Variants in ACSM2A observed in about 807,000 individuals in gnomAD.
ACSM2A encodes acyl-coenzyme A synthetase ACSM2A, mitochondrial.
In ACSM2A, 72 loss-of-function variants were observed where a neutral mutation model predicts 76.6. The observed-to-expected ratio is 0.94, with a 90% CI of 0.78 to 1.14. The LOEUF (loss-of-function observed/expected upper bound fraction) is 1.14, where lower values mean the gene tolerates loss of function less well. Ranked by LOEUF, ACSM2A falls within the 50% of genes most tolerant of loss-of-function variation. The pLI is 0.00. For missense variants in ACSM2A, 684 were observed against 708.5 expected (o/e 0.97, Z 0.39); for synonymous variants, 249 against 255.9 (o/e 0.97, Z 0.26).
At chr16:20,470,358 T>A (rs2013309779) in intron 4 of ACSM2A, among the ~76,000 whole-genome samples, 1 of 152,096 alleles carries the variant, frequency 6.6e-6, no homozygotes, top group Non-Finnish European at 1.5e-5. Context: ...GGACTTTCCA[T>A]GTGTTGATAG....
rs1171322819 is a variant in ACSM2A at position 20,471,776 on chromosome 16, C to G, written c.894+87C>G. 11 of 1,541,542 alleles carry G rather than the reference C, an allele frequency of 7.1e-6. No individual in the cohort carries two copies. In the Admixed American group the frequency reaches 1.3e-4, roughly 18 times the overall value. ...TTTATTGTAGTTTGTTTCAATTCAT[C>G]TAATTTTTGCTAAACCCCTGCCATG... On this transcript the variant is annotated intron_variant, in intron 6 of 13. Transcript: ENST00000573854.
chr16:20,485,601 G>T (rs1160548735), intron 13 of ACSM2A, among the ~76,000 whole-genome samples: 6 of 152,198 alleles, frequency 3.9e-5, no homozygotes, highest in East Asian at 1.9e-4. Context: ...GTGTTTCAAT[G>T]AAACTTTATT....
intron 6 of ACSM2A, chr16:20,474,078 TTTGA>T (rs2013579236): frequency 2.2e-6 from 1 of 449,240 alleles, no homozygotes; most frequent in South Asian, 1.6e-5. Context: ...TTTAAATGTG[TTTGA>T]TTGATGTCTT....
chr16:20,475,486 C>G (rs551243502), intron 7 of ACSM2A, 45 bp downstream of exon 7: 1 of 1,611,350 alleles, frequency 6.2e-7, no homozygotes, highest in Admixed American at 1.7e-5. Context: ...GCCCCATCCC[C>G]CTGACTCCCT....
chr16:20,467,372 C>G (rs572043167), intron 3 of ACSM2A, among the ~76,000 whole-genome samples: 1 of 142,386 alleles, frequency 7.0e-6, no homozygotes, highest in Non-Finnish European at 1.5e-5. Flanking sequence ...GAGTGACACT[C>G]AAACCATTGA....
chr16:20,475,341 C>T (rs751782627), intron 6 of ACSM2A, 21 bp from the exon 7 acceptor site: 89 of 1,613,510 alleles, frequency 5.5e-5, no homozygotes, highest in Admixed American at 1.8e-4. Flanking sequence ...ACCAATGTCT[C>T]ACCTGGCTCT....
rs563358363 is a variant in ACSM2A at position 20,486,893 on chromosome 16, A to G, written c.*215A>G. On this transcript the variant is annotated 3_prime_UTR_variant, in exon 14 of 14. Coordinates refer to ENST00000573854, the MANE Select transcript of ACSM2A (RefSeq NM_001308172.2). ...AGAGTGAAAAGGAGAGGGTAACAGA[A>G]AAAAAGGAAAGAAAAGTAAGTCAGG... The G allele has an allele frequency of 7.4e-5, 37 of 499,998 alleles. 1 individual carries two copies. In the South Asian group the frequency reaches 1.5e-3, roughly 20 times the overall value. 31.0% of individuals were successfully genotyped at this position (499,998 alleles called of 1,614,324 possible).
At chr16:20,484,673 GA>G (rs1487566448) in intron 13 of ACSM2A, among the ~76,000 whole-genome samples, 1 of 150,400 alleles carries the variant, frequency 6.6e-6, no homozygotes, top group Non-Finnish European at 1.5e-5. Context: ...GTCTCAATGG[GA>G]ACTCCAGCCA....
At chr16:20,455,408 T>A (rs1192610958) in intron 1 of ACSM2A, among the ~76,000 whole-genome samples, 3 of 151,492 alleles carry the variant, frequency 2.0e-5, no homozygotes, top group Non-Finnish European at 4.4e-5. Flanking sequence ...AAGCACCAGG[T>A]AATCTATAAA....
intron 2 of ACSM2A, 113 bp from the exon 3 acceptor site, chr16:20,465,404 T>G (rs2012923859): frequency 7.3e-7 from 1 of 1,364,282 alleles, no homozygotes; most frequent in African/African-American, 1.4e-5. Context: ...TGTATGGAGG[T>G]GCTGAGATAA....
At chr16:20,452,971 T>C (rs538619814) in intron 1 of ACSM2A, among the ~76,000 whole-genome samples, 1 of 152,172 alleles carries the variant, frequency 6.6e-6, no homozygotes, top group Non-Finnish European at 1.5e-5. Context: ...TGGTTGCTCC[T>C]AAGTTCAGTG....
chr16:20,483,910 C>A (rs1700814), intron 13 of ACSM2A, among the ~76,000 whole-genome samples: 19,059 of 151,760 alleles, frequency 0.13, 1,329 homozygotes, highest in South Asian at 0.22. Flanking sequence ...GGTCAGGTGT[C>A]TCTCTTTCAC....
chr16:20,465,403 G>C, intron 2 of ACSM2A, 114 bp from the exon 3 acceptor site: 1 of 1,352,630 alleles, frequency 7.4e-7, no homozygotes, highest in East Asian at 2.5e-5. Flanking sequence ...TTGTATGGAG[G>C]TGCTGAGATA....
At chr16:20,458,892 T>TTATATATATATGCATATA (rs2012388510) in intron 1 of ACSM2A, among the ~76,000 whole-genome samples, 2 of 111,178 alleles carry the variant, frequency 1.8e-5, no homozygotes, top group Non-Finnish European at 3.5e-5. Context: ...ATAGTATATA[T>TTATATATATATGCATATA]TATATATATA....
rs528742133 is a variant in ACSM2A, at chr16:20,470,465, G to A, written c.597-608G>A. ...ACATGTCTGAAATCCCTCTAGCAGGGGCACATATGATAGGAAACTTGAAGG... is the reference window on the plus strand; with the variant it reads ...ACATGTCTGAAATCCCTCTAGCAGGAGCACATATGATAGGAAACTTGAAGG... On this transcript the variant is annotated intron_variant, in intron 4 of 13. Transcript: ENST00000573854. Among the ~76,000 whole-genome samples the A allele has an allele frequency of 4.6e-5, 7 of 152,096 alleles. No homozygotes were observed. In the East Asian group the frequency reaches 1.4e-3, roughly 29 times the overall value.
chr16:20,474,403 C>T (rs74012000), intron 6 of ACSM2A, among the ~76,000 whole-genome samples: 330 of 152,220 alleles, frequency 2.2e-3, no homozygotes, highest in African/African-American at 7.5e-3. Context: ...TGCTCTACCT[C>T]GTGAGCCCCT....
intron 13 of ACSM2A, among the ~76,000 whole-genome samples, chr16:20,485,776 C>T (rs1364608367): frequency 6.6e-6 from 1 of 152,146 alleles, no homozygotes; most frequent in Non-Finnish European, 1.5e-5. Flanking sequence ...ATCTCAGTAT[C>T]CCTATTATTA....
intron 3 of ACSM2A, among the ~76,000 whole-genome samples, chr16:20,469,095 A>C (rs1351697411): frequency 6.6e-6 from 1 of 152,208 alleles, no homozygotes; most frequent in African/African-American, 2.4e-5. Context: ...ATAAATTGCC[A>C]GGACCTAGAG....
chr16:20,461,791 G>C (rs533135384), intron 2 of ACSM2A, among the ~76,000 whole-genome samples: 1 of 152,134 alleles, frequency 6.6e-6, no homozygotes, highest in Non-Finnish European at 1.5e-5. Context: ...AATACAAAAG[G>C]TTGTTTTTTT....
Sources: allele counts gnomAD v4.1 joint callset (sites outside exome capture counted in the v4.1 genomes callset), GRCh38; gene constraint gnomAD v4.1.1; transcripts MANE v1.5; gene names NCBI Gene and HGNC (gene_info 2026-07-23, HGNC 2026-07-21).